B3GALT1: variants seen among roughly 807,000 people sequenced by gnomAD.
B3GALT1 encodes the protein beta-1,3-galactosyltransferase 1.
In B3GALT1, 10 loss-of-function variants were observed where a neutral mutation model predicts 23.2. That is an observed-to-expected ratio of 0.43 (90% CI 0.27 to 0.73). The LOEUF (loss-of-function observed/expected upper bound fraction) is 0.73, where lower values mean the gene tolerates loss of function less well. Ranked by LOEUF, B3GALT1 falls within the 30% of genes least tolerant of loss-of-function variation. The pLI is 0.21. For missense variants in B3GALT1, 299 were observed against 405.4 expected, an observed-to-expected ratio of 0.74 and a Z score of 2.25; for synonymous variants, 156 against 141.5, an observed-to-expected ratio of 1.10 and a Z score of -0.73.
chr2:167,464,058 A>T (rs1292635652), intron 1 of B3GALT1, among the ~76,000 whole-genome samples: 3 of 152,176 alleles, frequency 2.0e-5, no homozygotes, highest in Non-Finnish European at 4.4e-5. Flanking sequence ...AATCTTTTAT[A>T]TAATTTCTAA....
chr2:167,546,381 A>C (rs1265068572), intron 2 of B3GALT1, among the ~76,000 whole-genome samples: 1 of 152,196 alleles, frequency 6.6e-6, no homozygotes, highest in East Asian at 1.9e-4. Flanking sequence ...CTCCTCCCAG[A>C]GTTTTAGGAA....
chr2:167,789,801 T>C (rs1212919148), intron 3 of B3GALT1, among the ~76,000 whole-genome samples: 1 of 151,908 alleles, frequency 6.6e-6, no homozygotes, highest in Non-Finnish European at 1.5e-5. Flanking sequence ...AGCCCCCAGC[T>C]CCACCATGGA....
chr2:167,699,220 A>C (rs1244811007), intron 3 of B3GALT1, among the ~76,000 whole-genome samples: 1 of 152,038 alleles, frequency 6.6e-6, no homozygotes, highest in African/African-American at 2.4e-5. Flanking sequence ...TATTAAAATA[A>C]TAATTGATTT....
chr2:167,711,379 T>C (rs1335144976), intron 3 of B3GALT1, among the ~76,000 whole-genome samples: 2 of 152,204 alleles, frequency 1.3e-5, no homozygotes, highest in East Asian at 1.9e-4. Flanking sequence ...TGTCTGACAA[T>C]AGCAGATATT....
intron 1 of B3GALT1, among the ~76,000 whole-genome samples, chr2:167,420,840 T>C (rs1286949015): frequency 6.6e-6 from 1 of 152,200 alleles, no homozygotes; most frequent in Non-Finnish European, 1.5e-5. Flanking sequence ...CTTAACTTGA[T>C]TGCATGAAGT....
At chr2:167,734,289 G>T (rs1039024465) in intron 3 of B3GALT1, among the ~76,000 whole-genome samples, 3 of 152,064 alleles carry the variant, frequency 2.0e-5, no homozygotes, top group African/African-American at 7.2e-5. Flanking sequence ...ACCCAAGCCA[G>T]GATGTACAGG....
intron 3 of B3GALT1, among the ~76,000 whole-genome samples, chr2:167,658,145 G>A (rs1264334129): frequency 6.6e-6 from 1 of 152,124 alleles, no homozygotes; most frequent in Non-Finnish European, 1.5e-5. Context: ...GGGGAAAAGG[G>A]TATGAACAAC....
rs989379499 is a variant in B3GALT1, at chr2:167,715,200, C to T, written c.-352+68234C>T. The T allele has an allele frequency of 4.3e-6, 7 of 1,613,840 alleles. No individual in the cohort carries two copies. In the Admixed American group the frequency reaches 8.3e-5, roughly 19 times the overall value. ...CTGTTCACTTCTAATTCCAAGTTAT[C>T]ATCATCCGTTGTGTCTTCTTCAAGC... On this transcript the variant is annotated intron_variant, in intron 3 of 4. Transcript: ENST00000392690.
chr2:167,836,664 G>A (rs1356075890), intron 4 of B3GALT1, among the ~76,000 whole-genome samples: 1 of 152,108 alleles, frequency 6.6e-6, no homozygotes, highest in Non-Finnish European at 1.5e-5. Flanking sequence ...TCAGATTCAG[G>A]AAATACAGAG....
At chr2:167,367,507 A>G (rs936867937) in intron 1 of B3GALT1, among the ~76,000 whole-genome samples, 2 of 152,202 alleles carry the variant, frequency 1.3e-5, no homozygotes, top group Non-Finnish European at 2.9e-5. Context: ...TCTATTGCAT[A>G]TAGGACACAT....
intron 4 of B3GALT1, among the ~76,000 whole-genome samples, chr2:167,868,406 G>A (rs151091356): frequency 9.9e-5 from 15 of 151,496 alleles, no homozygotes; most frequent in African/African-American, 2.4e-4. Context: ...ACTCAGACTC[G>A]GAAACTGGAA....
Position 167,813,348 on chromosome 2 carries a change from C to A in B3GALT1, c.-351-5324C>A, listed in dbSNP as rs1031151017. On this transcript the variant is annotated intron_variant, in intron 3 of 4. Transcript: ENST00000392690. Reference sequence around the variant, plus strand: ...GAATATTTGTTGGAGTCCTCACTTTCTGTCTTCTTTGATGCTTGTTATAGA... The same window carrying A: ...GAATATTTGTTGGAGTCCTCACTTTATGTCTTCTTTGATGCTTGTTATAGA... Among the ~76,000 whole-genome samples the A allele has an allele frequency of 2.0e-5, 3 of 152,272 alleles. No individual in the cohort carries two copies. The South Asian group carries it at 6.2e-4, about 32-fold the overall frequency.
At chr2:167,409,834 G>A (rs926263304) in intron 1 of B3GALT1, among the ~76,000 whole-genome samples, 1 of 151,862 alleles carries the variant, frequency 6.6e-6, no homozygotes, top group Non-Finnish European at 1.5e-5. Flanking sequence ...TGGTGGGAGT[G>A]TAAATTAGTT....
At chr2:167,569,831 C>T (rs1684257566) in intron 2 of B3GALT1, among the ~76,000 whole-genome samples, 1 of 151,838 alleles carries the variant, frequency 6.6e-6, no homozygotes, top group South Asian at 2.1e-4. Context: ...TGAGGAAGTT[C>T]TCATCTATTA....
At chr2:167,716,044 C>T (rs1687139173) in intron 3 of B3GALT1, 4 of 1,600,260 alleles carry the variant, frequency 2.5e-6, no homozygotes, top group Admixed American at 1.7e-5. Flanking sequence ...TAGGGCCGAG[C>T]GGTAGCGCCG....
At chr2:167,474,547 C>G (rs1699465255) in intron 1 of B3GALT1, among the ~76,000 whole-genome samples, 1 of 152,106 alleles carries the variant, frequency 6.6e-6, no homozygotes, top group South Asian at 2.1e-4. Flanking sequence ...CCTATCACTT[C>G]CCTTGGGCTC....
intron 1 of B3GALT1, among the ~76,000 whole-genome samples, chr2:167,470,630 T>C (rs1699408773): frequency 6.6e-6 from 1 of 152,150 alleles, no homozygotes; most frequent in Non-Finnish European, 1.5e-5. Flanking sequence ...CTGGGACTCA[T>C]GGTTATGATT....
rs538763871 is a variant in B3GALT1 at position 167,536,506 on chromosome 2, G to C, written c.-410+46229G>C. Among the ~76,000 whole-genome samples, 7 of 152,220 alleles carry C rather than the reference G, an allele frequency of 4.6e-5. No homozygotes were observed. In the South Asian group the frequency reaches 1.5e-3, roughly 32 times the overall value. On this transcript the variant is annotated intron_variant, in intron 2 of 4. Transcript: ENST00000392690. ...TGTGCAAAAAGAAACATAAATGTAC[G>C]ATCTTATTCATCACTGCTCTGTAAC...
At chr2:167,728,834 T>C (rs1010650538) in intron 3 of B3GALT1, among the ~76,000 whole-genome samples, 1 of 152,226 alleles carries the variant, frequency 6.6e-6, no homozygotes, top group Non-Finnish European at 1.5e-5. Flanking sequence ...GCTTGCAGTA[T>C]ATACCTTTGT....
Sources: gnomAD v4.1 joint callset for allele counts (sites outside exome capture counted in the v4.1 genomes callset) on GRCh38, gnomAD v4.1.1 for gene constraint, MANE v1.5 for transcripts, NCBI Gene and HGNC (gene_info 2026-07-23, HGNC 2026-07-21) for gene names.